ZNF860: variants seen among roughly 807,000 people sequenced by gnomAD.
The protein encoded by ZNF860 is zinc finger protein 860.
For missense variants in ZNF860, 641 were observed against 759.2 expected, an observed-to-expected ratio of 0.84 and a Z score of 1.83; for synonymous variants, 206 against 248.9, an observed-to-expected ratio of 0.83 and a Z score of 1.62.
the ZNF860 span, among the ~76,000 whole-genome samples, chr3:32,005,950 A>C: frequency 6.7e-6 from 1 of 149,204 alleles, no homozygotes; most frequent in Non-Finnish European, 1.5e-5. Context: ...TTTTTATTTT[A>C]TTTTGTTTTT....
intron 1 of ZNF860, 130 bp downstream of exon 1, chr3:31,982,032 C>T (rs1452736266): frequency 6.6e-6 from 1 of 152,194 alleles, no homozygotes; most frequent in Non-Finnish European, 1.5e-5. Flanking sequence ...TGTCCTAGGT[C>T]ACTCACTGGC....
chr3:32,004,701 A>G, the ZNF860 span, among the ~76,000 whole-genome samples: 7 of 152,238 alleles, frequency 4.6e-5, no homozygotes, highest in African/African-American at 1.7e-4. Flanking sequence ...CAAGAGAACA[A>G]CAGAGAAGAA....
rs1699020572 is a variant in ZNF860 at position 31,990,934 on chromosome 3, C to T, written c.1855C>T (p.Gln619Ter). Reference sequence around the variant, plus strand: ...TAGACATCAGAGAATCCATACCGGACAGAAATCTTACAAATGTCATAAGCG... The same window carrying T: ...TAGACATCAGAGAATCCATACCGGATAGAAATCTTACAAATGTCATAAGCG... ...RIRHQRIHTGQKSYKCHKRGK... is the reference protein window; with the variant it reads ...RIRHQRIHTG The change falls in exon 2 of 2, where the codon CAG (glutamine) becomes TAG (stop). Residue 619 changes from glutamine (Q) to a stop codon, truncating the protein, a stop_gained. Coordinates refer to ENST00000360311, the MANE Select transcript of ZNF860 (RefSeq NM_001137674.3). LOFTEE classifies it low-confidence loss of function (END_TRUNC). 6.3e-7 allele frequency: 1 copy of T among 1,575,332 alleles called. No individual in the cohort carries two copies.
chr3:32,005,110 T>G, the ZNF860 span, among the ~76,000 whole-genome samples: 55,721 of 151,886 alleles, frequency 0.37, 12,260 homozygotes, highest in East Asian at 0.7. Context: ...TGCAGAACGT[T>G]CAGGTTTGTT....
Position 31,990,136 on chromosome 3 carries a change from C to A in ZNF860, c.1057C>A (p.Arg353Ser). ...KCKVCEKAFRRDSHLTQHTRI... is the reference protein window; with the variant it reads ...KCKVCEKAFRSDSHLTQHTRI... ...TAAGGTTTGTGAAAAGGCTTTCAGG[C>A]GTGATTCACACCTCACACAACACAC... is the stretch of plus-strand genomic sequence containing the variant. Residue 353 changes from arginine to serine, a missense_variant, in exon 2 of 2, where the codon CGT becomes AGT. By Grantham distance (110) the Arg-to-Ser change is moderately radical. Transcript: ENST00000360311. The A allele has an allele frequency of 6.2e-7, 1 of 1,611,568 alleles. No individual in the cohort carries two copies. Among genetic ancestry groups the A allele is most frequent in the Non-Finnish European group, 8.5e-7 (1 of 1,178,530 alleles).
chr3:32,003,892 G>A, the ZNF860 span, among the ~76,000 whole-genome samples: 8 of 152,122 alleles, frequency 5.3e-5, no homozygotes, highest in Non-Finnish European at 1.0e-4. Flanking sequence ...TCTAGAACAC[G>A]GGCTAATACT....
At chr3:31,996,943 C>G in the ZNF860 span, among the ~76,000 whole-genome samples, 7 of 152,122 alleles carry the variant, frequency 4.6e-5, no homozygotes, top group Non-Finnish European at 8.8e-5. Context: ...CCAGAAGGCT[C>G]CCCACTCACA....
rs1219199790 is a variant in ZNF860, at chr3:31,988,993, T to G, written c.-87T>G. ...AGCCACGAAGTTTGTGATAATTTGTTTCTCGGAAACAGATAACTAATACAG... is the reference window on the plus strand; with the variant it reads ...AGCCACGAAGTTTGTGATAATTTGTGTCTCGGAAACAGATAACTAATACAG... On this transcript the variant is annotated 5_prime_UTR_variant, in exon 2 of 2. Coordinates refer to ENST00000360311, the MANE Select transcript of ZNF860 (RefSeq NM_001137674.3). 3 of 1,536,328 alleles carry G rather than the reference T, an allele frequency of 2.0e-6. No individual in the cohort carries two copies. The highest frequency in any genetic ancestry group is 2.7e-6 in the Non-Finnish European group (3 of 1,131,870).
intron 1 of ZNF860, among the ~76,000 whole-genome samples, chr3:31,988,387 T>C (rs1487772466): frequency 1.3e-5 from 2 of 152,090 alleles, no homozygotes; most frequent in Non-Finnish European, 2.9e-5. Flanking sequence ...GAGTGTGTTG[T>C]ACATGTGGGA....
rs769147991 is a variant in ZNF860 at position 31,990,622 on chromosome 3, T to C, written c.1543T>C (p.Cys515Arg). The change falls in exon 2 of 2, where the codon TGT (cysteine) becomes CGT (arginine). Residue 515 changes from cysteine (C) to arginine (R), a missense_variant. Coordinates refer to ENST00000360311, the MANE Select transcript of ZNF860 (RefSeq NM_001137674.3). ...TGEKPYKCNE[C>R]GKVFNQQATL... ...AGAGAAACCTTACAAGTGTAATGAA[T>C]GTGGCAAGGTTTTTAATCAACAAGC... The C allele has an allele frequency of 8.1e-6, 13 of 1,614,068 alleles. No homozygotes were observed. The East Asian group carries it at 2.5e-4, about 30-fold the overall frequency.
At chr3:31,988,400 A>C (rs1218186103) in intron 1 of ZNF860, among the ~76,000 whole-genome samples, 1 of 152,052 alleles carries the variant, frequency 6.6e-6, no homozygotes, top group Non-Finnish European at 1.5e-5. Flanking sequence ...ATGTGGGAGG[A>C]ATATAAAAAA....
chr3:31,998,252 T>G, the ZNF860 span, among the ~76,000 whole-genome samples: 1 of 152,196 alleles, frequency 6.6e-6, no homozygotes, highest in African/African-American at 2.4e-5. Context: ...GCATTTTTTT[T>G]GCCCCCAGAT....
the ZNF860 span, among the ~76,000 whole-genome samples, chr3:32,004,119 T>C: frequency 2.0e-5 from 3 of 152,248 alleles, no homozygotes; most frequent in South Asian, 2.1e-4. Flanking sequence ...TTTTAACTTA[T>C]ATTATTTTAA....
chr3:31,993,879 A>G (rs1269994548), downstream of ZNF860, among the ~76,000 whole-genome samples: 1 of 152,218 alleles, frequency 6.6e-6, no homozygotes, highest in Non-Finnish European at 1.5e-5. Flanking sequence ...ATACAAATAT[A>G]ATGAAAACCT....
At chr3:32,004,755 G>A in the ZNF860 span, among the ~76,000 whole-genome samples, 4,592 of 152,228 alleles carry the variant, frequency 0.03, 248 homozygotes, top group African/African-American at 0.11. Flanking sequence ...AGACACATGC[G>A]CAGTTATTTG....
chr3:31,986,127 G>A (rs955189251), intron 1 of ZNF860: 1 of 152,188 alleles, frequency 6.6e-6, no homozygotes, highest in South Asian at 2.1e-4. Context: ...TATGCATTTA[G>A]GAATTGATCC....
At position 31,990,926 on chromosome 3, in the gene ZNF860, A is replaced by G; in HGVS notation, c.1847A>G (p.His616Arg). ...HSHRIRHQRI[H>R]TGQKSYKCHK... ...CATCGCATTAGACATCAGAGAATCC[A>G]TACCGGACAGAAATCTTACAAATGT... The change falls in exon 2 of 2, where the codon CAT becomes CGT. Residue 616 changes from histidine to arginine, a missense_variant. Physicochemically the swap from His to Arg is conservative, Grantham distance 29. Coordinates refer to ENST00000360311, the MANE Select transcript of ZNF860 (RefSeq NM_001137674.3). 6.3e-7 allele frequency: 1 copy of G among 1,575,082 alleles called. No homozygotes were observed. The highest frequency in any genetic ancestry group is 8.6e-7 in the Non-Finnish European group (1 of 1,159,016).
chr3:31,982,625 A>G (rs2125510458), intron 1 of ZNF860, among the ~76,000 whole-genome samples: 2 of 151,216 alleles, frequency 1.3e-5, no homozygotes, highest in Middle Eastern at 6.8e-3. Flanking sequence ...TGAGTAAATT[A>G]CAATTCCAGG....
chr3:31,989,693 A>T lies in ZNF860; in HGVS notation c.614A>T (p.Asn205Ile). ...TCTAGGCCCAAAATCCATATTTCTA[A>T]TAACTATGAAAATAATTTCTTCCAT... ...ISSRPKIHIS[N>I]NYENNFFHSS... is the part of the protein sequence containing the mutation. Residue 205 changes from asparagine to isoleucine, a missense_variant, in exon 2 of 2, where the codon AAT (asparagine) becomes ATT (isoleucine). By Grantham distance (149) the Asn-to-Ile change is moderately radical. Transcript: ENST00000360311. 2 of 1,613,978 alleles carry T rather than the reference A, an allele frequency of 1.2e-6. No individual in the cohort carries two copies. Among genetic ancestry groups the T allele is most frequent in the Non-Finnish European group, 1.7e-6 (2 of 1,179,968 alleles).
Sources: gnomAD v4.1 joint callset for allele counts (sites outside exome capture counted in the v4.1 genomes callset) on GRCh38, gnomAD v4.1.1 for gene constraint, MANE v1.5 for transcripts, NCBI Gene and HGNC (gene_info 2026-07-23, HGNC 2026-07-21) for gene names.